CIP2A: variants seen among roughly 807,000 people sequenced by gnomAD.
The protein encoded by CIP2A is cellular inhibitor of PP2A.
CIP2A carries 103 observed loss-of-function variants against 110.9 expected under a neutral mutation model. The ratio of observed to expected loss-of-function variants is 0.93; its 90% CI spans 0.79 to 1.09. CIP2A has a LOEUF of 1.09. Among genes scored for constraint, CIP2A ranks in the 50% least tolerant of loss-of-function variants. The pLI, the probability that CIP2A is intolerant of heterozygous loss-of-function variation, is 0.00. For synonymous variants in CIP2A, 381 were observed against 361.6 expected, an observed-to-expected ratio of 1.05 and a Z score of -0.61; for missense variants, 1,088 against 1,038.4, an observed-to-expected ratio of 1.05 and a Z score of -0.66.
At position 108,550,472 on chromosome 3, in the gene CIP2A, T is replaced by G. The variant is rs1165994742; in HGVS notation, c.*677A>C. ...ACTAAATATACCTTACAAATAATTCTACAAGTTCTTAGATTTTTTATGAGA... is the reference window on the plus strand; with the variant it reads ...ACTAAATATACCTTACAAATAATTCGACAAGTTCTTAGATTTTTTATGAGA... On this transcript the variant is annotated 3_prime_UTR_variant, in exon 21 of 21. Transcript: ENST00000295746. The G allele has an allele frequency of 6.6e-6, 1 of 151,454 alleles. No homozygotes were observed. Among genetic ancestry groups the G allele is most frequent in the Non-Finnish European group, 1.5e-5 (1 of 67,668 alleles). 9.4% of individuals were successfully genotyped at this position (151,454 alleles called of 1,614,324 possible).
At position 108,552,427 on chromosome 3, in the gene CIP2A, C is replaced by T. The variant is rs75655211; in HGVS notation, c.2408-54G>A. On this transcript the variant is annotated intron_variant, in intron 19 of 20. Transcript: ENST00000295746. ...ACTCAGAGGTCTTACACTGACTACT[C>T]TGAAATGGTCTAGTAGCTACTGTAA... The T allele has an allele frequency of 6.9e-3, 7,954 of 1,158,228 alleles. 39 individuals carry two copies. Among genetic ancestry groups the T allele is most frequent in the Middle Eastern group, 0.015 (48 of 3,304 alleles). 71.7% of individuals were successfully genotyped at this position (1,158,228 alleles called of 1,614,324 possible). A position where few individuals can be genotyped will look rare whatever the true frequency, so the allele number is the denominator to read the frequency against.
At position 108,585,159 on chromosome 3, in the gene CIP2A, T is replaced by A. The variant is rs865996741; in HGVS notation, c.156A>T (p.Thr52=). 1.9e-6 allele frequency: 3 copies of A among 1,613,274 alleles called. No homozygotes were observed. The highest frequency in any genetic ancestry group is 1.7e-4 in the Middle Eastern group (1 of 6,058). Residue 52 remains threonine (T), a synonymous_variant, in exon 2 of 21, where the codon ACA becomes ACT. Coordinates refer to ENST00000295746, the MANE Select transcript of CIP2A (RefSeq NM_020890.3). Reference sequence around the variant, plus strand: ...CTACAAGGCAACTCAAGCATTCACTTGTTAATATCTGATTTGATGTAAATA... The same window carrying A: ...CTACAAGGCAACTCAAGCATTCACTAGTTAATATCTGATTTGATGTAAATA... ...TRLFTSNQIL[T]SECLSCLVEL...
At chr3:108,554,346 A>G (rs1937709395) in intron 18 of CIP2A, 30 bp downstream of exon 18, 4 of 883,898 alleles carry the variant, frequency 4.5e-6, no homozygotes, top group Non-Finnish European at 7.2e-6. Context: ...AAAATCCCAC[A>G]TATTCAGAAT....
rs1421652859 is a variant in CIP2A at position 108,576,276 on chromosome 3, A to C, written c.889T>G (p.Ser297Ala). ...AAAGTCATGTTTTTACATACCTTTG[A>C]AGAGGAATCAGGATCCTTTCCATTA... ...LLNGKDPDSSSKVLELLLAFC... is the reference protein window; with the variant it reads ...LLNGKDPDSSAKVLELLLAFC... The change falls in exon 8 of 21, where the codon TCA (serine) becomes GCA (alanine). Residue 297 changes from serine to alanine, a missense_variant. Coordinates refer to ENST00000295746, the MANE Select transcript of CIP2A (RefSeq NM_020890.3). 6.5e-7 allele frequency: 1 copy of C among 1,548,626 alleles called. No homozygotes were observed. The highest frequency in any genetic ancestry group is 1.4e-5 in the African/African-American group (1 of 71,476).
chr3:108,562,994 C>G (rs1180650985), intron 13 of CIP2A, 132 bp downstream of exon 13: 2 of 633,930 alleles, frequency 3.2e-6, no homozygotes, highest in Admixed American at 2.4e-5. Flanking sequence ...TTTTAGAAAT[C>G]ACTTGAAAAA....
chr3:108,574,746 A>AG (rs1291556292), intron 8 of CIP2A: 1 of 152,776 alleles, frequency 6.5e-6, no homozygotes, highest in Non-Finnish European at 1.5e-5. Flanking sequence ...TCCCCCATCT[A>AG]GGCTTCTGAG....
At chr3:108,586,855 A>G (rs1381776469) in intron 1 of CIP2A, among the ~76,000 whole-genome samples, 2 of 152,202 alleles carry the variant, frequency 1.3e-5, no homozygotes, top group Non-Finnish European at 2.9e-5. Context: ...TTCAAAGCCT[A>G]CACTCTGCAT....
chr3:108,559,953 C>T lies in CIP2A; in HGVS notation c.1902+1G>A. ...CATTGTTAAAATAAGCTTATACTCA[C>T]AGCTAATGTGGATAGTTTCATTTCA... is the stretch of plus-strand genomic sequence containing the variant. On this transcript the variant is annotated splice_donor_variant, in intron 15 of 20. Transcript: ENST00000295746. LOFTEE classifies it high-confidence loss of function. The T allele has an allele frequency of 6.3e-7, 1 of 1,592,368 alleles. No individual in the cohort carries two copies. The highest frequency in any genetic ancestry group is 8.6e-7 in the Non-Finnish European group (1 of 1,161,786).
At chr3:108,576,063 G>C (rs977212076) in intron 8 of CIP2A, among the ~76,000 whole-genome samples, 2 of 151,772 alleles carry the variant, frequency 1.3e-5, no homozygotes, top group Admixed American at 6.6e-5. Context: ...GGAAGGGGTA[G>C]GTACTGACTA....
rs576493548 is a variant in CIP2A at position 108,558,414 on chromosome 3, A to G, written c.2014-1000T>C. Among the ~76,000 whole-genome samples, 13 of 152,250 alleles carry G rather than the reference A, an allele frequency of 8.5e-5. No homozygotes were observed. The East Asian group carries it at 2.5e-3, about 29-fold the overall frequency. On this transcript the variant is annotated intron_variant, in intron 16 of 20. Coordinates refer to ENST00000295746, the MANE Select transcript of CIP2A (RefSeq NM_020890.3). ...ATCAAGTTGTATAGATTCCATTTGT[A>G]TCTGCTGGGAATTTCATATTACTGC...
chr3:108,588,137 T>C (rs926310581), intron 1 of CIP2A, among the ~76,000 whole-genome samples: 1 of 152,184 alleles, frequency 6.6e-6, no homozygotes, highest in African/African-American at 2.4e-5. Context: ...CAGAATAGCA[T>C]ACAAAATGCT....
At chr3:108,571,134 T>A (rs932267859) in intron 8 of CIP2A, among the ~76,000 whole-genome samples, 1 of 152,154 alleles carries the variant, frequency 6.6e-6, no homozygotes, top group African/African-American at 2.4e-5. Flanking sequence ...GGAGCTGTCA[T>A]CTCTAATAAC....
At chr3:108,558,904 C>T (rs957474127) in intron 16 of CIP2A, among the ~76,000 whole-genome samples, 2 of 152,038 alleles carry the variant, frequency 1.3e-5, no homozygotes, top group Non-Finnish European at 2.9e-5. Context: ...TCCTTATATG[C>T]CAAACTAAAG....
In CIP2A at chr3:108,566,636, G is replaced by C; in HGVS notation, c.1276C>G (p.Leu426Val). ...IAKAIEVLLTLCGDDTLKMHI... is the reference protein window; with the variant it reads ...IAKAIEVLLTVCGDDTLKMHI... Reference sequence around the variant, plus strand: ...ATTTTTAGTGTATCATCTCCACAGAGAGGTTAAGTTTTGTTAAGATATACA... The same window carrying C: ...ATTTTTAGTGTATCATCTCCACAGACAGGTTAAGTTTTGTTAAGATATACA... Residue 426 changes from leucine to valine, a missense_variant and splice_region_variant, in exon 11 of 21, where the codon CTC (leucine) becomes GTC (valine). By Grantham distance (32) the Leu-to-Val change is conservative. Transcript: ENST00000295746. 6.3e-7 allele frequency: 1 copy of C among 1,576,532 alleles called. No homozygotes were observed. The highest frequency in any genetic ancestry group is 8.6e-7 in the Non-Finnish European group (1 of 1,162,806).
chr3:108,565,217 GACA>G, intron 12 of CIP2A, 135 bp downstream of exon 12: 5 of 543,356 alleles, frequency 9.2e-6, no homozygotes, highest in Non-Finnish European at 1.6e-5. Context: ...AACTGCTTAA[GACA>G]ACAACTTTAA....
intron 13 of CIP2A, among the ~76,000 whole-genome samples, chr3:108,562,018 A>G (rs1490074037): frequency 6.6e-6 from 1 of 152,172 alleles, no homozygotes; most frequent in African/African-American, 2.4e-5. Flanking sequence ...GCAGCTTTAC[A>G]GACCACTTTT....
At position 108,563,172 on chromosome 3, in the gene CIP2A, T is replaced by G. The variant is rs112586185; in HGVS notation, c.1588A>C (p.Arg530=). The part of the protein sequence containing the change: ...DNREQVQSGL[R]ILLEAAPLPD... ...AGTGGAGCAGCCTCCAATAATATTC[T>G]CAGTCCAGACTGTACTTGTTCTCTA... The change falls in exon 13 of 21, where the codon AGA becomes CGA. Residue 530 remains arginine, a synonymous_variant. Coordinates refer to ENST00000295746, the MANE Select transcript of CIP2A (RefSeq NM_020890.3). 3 of 1,612,898 alleles carry G rather than the reference T, an allele frequency of 1.9e-6. No individual in the cohort carries two copies. In the East Asian group the frequency reaches 6.7e-5, roughly 36 times the overall value.
intron 14 of CIP2A, among the ~76,000 whole-genome samples, chr3:108,560,328 C>T (rs1019854142): frequency 4.6e-5 from 7 of 152,028 alleles, no homozygotes; most frequent in Admixed American, 6.6e-5. Context: ...TGAGCCAACA[C>T]GTCCAGCTAA....
chr3:108,558,866 A>C (rs1192814640), intron 16 of CIP2A, among the ~76,000 whole-genome samples: 1 of 152,176 alleles, frequency 6.6e-6, no homozygotes, highest in Non-Finnish European at 1.5e-5. Flanking sequence ...GAAATGAAAG[A>C]TGTGGATTGA....
Sources: allele counts gnomAD v4.1 joint callset (sites outside exome capture counted in the v4.1 genomes callset), GRCh38; gene constraint gnomAD v4.1.1; transcripts MANE v1.5; gene names NCBI Gene and HGNC (gene_info 2026-07-23, HGNC 2026-07-21).